TMEM117: variants seen among roughly 807,000 people sequenced by gnomAD.
The protein encoded by TMEM117 is transmembrane protein 117.
In TMEM117, 27 loss-of-function variants were observed where a neutral mutation model predicts 52.4. The ratio of observed to expected loss-of-function variants is 0.51; its 90% CI spans 0.38 to 0.71. The LOEUF is 0.71. TMEM117 is among the 30% of genes least tolerant of loss of function. The probability of loss-of-function intolerance (pLI) is 0.00; values close to 1 mark genes in which losing one functional copy is unlikely to be tolerated. For missense variants in TMEM117, 556 were observed against 630.5 expected (o/e 0.88, Z 1.26); for synonymous variants, 215 against 206.3 (o/e 1.04, Z -0.36).
At chr12:44,014,409 A>G (rs1034049964) in intron 3 of TMEM117, among the ~76,000 whole-genome samples, 2 of 152,098 alleles carry the variant, frequency 1.3e-5, no homozygotes, top group Admixed American at 1.3e-4. Flanking sequence ...CTCATAACCT[A>G]ACATGAAGTG....
In TMEM117 at chr12:44,059,523, T is replaced by TA. The variant is rs201398583; in HGVS notation, c.411-83997dup. Among the ~76,000 whole-genome samples, 1,169 of 152,242 alleles carry TA rather than the reference T, an allele frequency of 7.7e-3. 10 individuals carry two copies. The highest frequency in any genetic ancestry group is 0.027 in the African/African-American group (1,111 of 41,536). ...TTTCATTTTGGGGTGGTCTTTACTT[T>TA]AAAAATAAGTGTAAATGGATTATGG... On this transcript the variant is annotated intron_variant, in intron 3 of 7. Coordinates refer to ENST00000266534, the MANE Select transcript of TMEM117 (RefSeq NM_032256.3).
At chr12:44,001,227 AC>A (rs1374759071) in intron 3 of TMEM117, among the ~76,000 whole-genome samples, 2 of 152,172 alleles carry the variant, frequency 1.3e-5, no homozygotes, top group Admixed American at 6.5e-5. Context: ...TTCACATTTA[AC>A]CCTAAAATGG....
At chr12:44,282,005 G>C (rs928785572) in intron 5 of TMEM117, among the ~76,000 whole-genome samples, 7 of 152,156 alleles carry the variant, frequency 4.6e-5, no homozygotes, top group African/African-American at 1.4e-4. Context: ...GGAGGTAATT[G>C]AATCACGGGG....
At chr12:44,354,412 A>T (rs953297974) in intron 6 of TMEM117, among the ~76,000 whole-genome samples, 1 of 152,088 alleles carries the variant, frequency 6.6e-6, no homozygotes, top group African/African-American at 2.4e-5. Context: ...TGATGCAAAA[A>T]TCCTCAGTAA....
chr12:44,188,080 C>G (rs1949301669), intron 4 of TMEM117, among the ~76,000 whole-genome samples: 1 of 152,032 alleles, frequency 6.6e-6, no homozygotes. Flanking sequence ...TGTAGATAAC[C>G]TTAATGAGGC....
intron 3 of TMEM117, among the ~76,000 whole-genome samples, chr12:44,000,831 A>G (rs1946105570): frequency 6.6e-6 from 1 of 152,194 alleles, no homozygotes; most frequent in Non-Finnish European, 1.5e-5. Context: ...CAGAGGGCCA[A>G]CAGGTAGCAA....
At chr12:44,165,077 C>T (rs938049084) in intron 4 of TMEM117, among the ~76,000 whole-genome samples, 16 of 152,204 alleles carry the variant, frequency 1.1e-4, no homozygotes, top group African/African-American at 3.6e-4. Context: ...CCCCCTGCCA[C>T]CGCCTTCACC....
At chr12:43,923,892 A>T (rs1244528937) in intron 2 of TMEM117, among the ~76,000 whole-genome samples, 2 of 152,198 alleles carry the variant, frequency 1.3e-5, no homozygotes, top group East Asian at 3.8e-4. Flanking sequence ...TTTAATTCAT[A>T]GATTTATTTG....
At chr12:44,332,471 A>G (rs938968228) in intron 6 of TMEM117, among the ~76,000 whole-genome samples, 24 of 152,070 alleles carry the variant, frequency 1.6e-4, no homozygotes, top group Non-Finnish European at 1.0e-4. Flanking sequence ...ATTTTATAAT[A>G]ATATGACCAC....
intron 5 of TMEM117, among the ~76,000 whole-genome samples, chr12:44,229,806 A>G (rs1053377935): frequency 6.6e-5 from 10 of 152,156 alleles, no homozygotes; most frequent in Non-Finnish European, 1.5e-5. Context: ...AAAATTTGTT[A>G]TAGATTACAT....
intron 2 of TMEM117, among the ~76,000 whole-genome samples, chr12:43,907,164 GCCC>G (rs1430853404): frequency 6.6e-6 from 1 of 152,204 alleles, no homozygotes; most frequent in Non-Finnish European, 1.5e-5. Context: ...CGGGCAGACT[GCCC>G]CCTCAAGTGG....
intron 2 of TMEM117, among the ~76,000 whole-genome samples, chr12:43,850,401 T>C (rs78388987): frequency 0.037 from 5,697 of 152,306 alleles, 270 homozygotes; most frequent in African/African-American, 0.1. Context: ...ATGATCTACT[T>C]CTTCCTCACT....
chr12:44,241,571 C>T (rs1015006024), intron 5 of TMEM117, among the ~76,000 whole-genome samples: 1 of 151,828 alleles, frequency 6.6e-6, no homozygotes, highest in Non-Finnish European at 1.5e-5. Context: ...ATTATTAGAG[C>T]GCTCTCCTAC....
At chr12:44,386,350 T>C (rs1412013615) in intron 7 of TMEM117, among the ~76,000 whole-genome samples, 1 of 152,188 alleles carries the variant, frequency 6.6e-6, no homozygotes, top group Non-Finnish European at 1.5e-5. Context: ...CCAGACGCTA[T>C]AGATATTTTA....
intron 2 of TMEM117, among the ~76,000 whole-genome samples, chr12:43,901,820 A>C (rs945099376): frequency 1.3e-5 from 2 of 152,192 alleles, no homozygotes; most frequent in African/African-American, 4.8e-5. Flanking sequence ...TGAAATTATG[A>C]ATCTGTTTGC....
intron 3 of TMEM117, among the ~76,000 whole-genome samples, chr12:43,953,443 G>A (rs1473856778): frequency 6.6e-6 from 1 of 152,078 alleles, no homozygotes; most frequent in Non-Finnish European, 1.5e-5. Flanking sequence ...TCAAAATAAG[G>A]GGATGGAGGA....
intron 2 of TMEM117, among the ~76,000 whole-genome samples, chr12:43,912,880 T>A (rs1305992980): frequency 1.3e-5 from 2 of 152,164 alleles, no homozygotes; most frequent in African/African-American, 4.8e-5. Flanking sequence ...TGCCATGTTT[T>A]TGCATGACTT....
At chr12:44,211,853 A>T (rs1022017461) in intron 5 of TMEM117, among the ~76,000 whole-genome samples, 1 of 152,212 alleles carries the variant, frequency 6.6e-6, no homozygotes, top group East Asian at 1.9e-4. Flanking sequence ...AATCTTTGCA[A>T]TTAAAAAACA....
At chr12:43,886,373 T>A (rs527494244) in intron 2 of TMEM117, among the ~76,000 whole-genome samples, 2 of 152,196 alleles carry the variant, frequency 1.3e-5, no homozygotes, top group South Asian at 4.2e-4. Flanking sequence ...AACAAAATGG[T>A]CAAGTAGGGA....
Sources: allele counts gnomAD v4.1 joint callset (sites outside exome capture counted in the v4.1 genomes callset), GRCh38; gene constraint gnomAD v4.1.1; transcripts MANE v1.5; gene names NCBI Gene and HGNC (gene_info 2026-07-23, HGNC 2026-07-21).